DNER: variants seen among roughly 807,000 people sequenced by gnomAD.
DNER encodes delta/notch like EGF repeat containing.
DNER carries 33 observed loss-of-function variants against 78.2 expected under a neutral mutation model. The observed-to-expected ratio is 0.42, with a 90% confidence interval of 0.32 to 0.56. DNER has a LOEUF of 0.56. Among genes scored for constraint, DNER ranks in the 20% least tolerant of loss-of-function variants. The pLI is 0.11. For synonymous variants in DNER, 417 were observed against 384.8 expected, an observed-to-expected ratio of 1.08 and a Z score of -0.98; for missense variants, 918 against 975.3, an observed-to-expected ratio of 0.94 and a Z score of 0.78.
chr2:229,591,927 A>G lies in DNER; in HGVS notation c.277-39T>C. On this transcript the variant is annotated intron_variant, in intron 1 of 12. Transcript: ENST00000341772. The surrounding 1 kb of genome is among the most constrained non-coding windows in gnomAD (Gnocchi z 4.6). ...ATAAATGGGTCAATTATTCCCTCAT[A>G]AGAAAAGTGGTGCCATCGCTGGGAA... is the stretch of plus-strand genomic sequence containing the variant. 2 of 1,461,924 alleles carry G rather than the reference A, an allele frequency of 1.4e-6. No homozygotes were observed. The highest frequency in any genetic ancestry group is 1.4e-5 in the South Asian group (1 of 70,460). The allele number at this position is 1,461,924 out of a possible 1,614,324, so 90.6% of individuals were successfully genotyped here.
At chr2:229,525,423 C>A (rs1696189765) in intron 5 of DNER, among the ~76,000 whole-genome samples, 1 of 152,014 alleles carries the variant, frequency 6.6e-6, no homozygotes, top group South Asian at 2.1e-4. Flanking sequence ...AGCTTTACAG[C>A]CCATTGTTTT....
intron 4 of DNER, among the ~76,000 whole-genome samples, chr2:229,582,900 A>T (rs575528427): frequency 6.6e-6 from 1 of 152,172 alleles, no homozygotes; most frequent in Non-Finnish European, 1.5e-5. Flanking sequence ...CAGCCTCCCA[A>T]AGTGCTCGGA....
In DNER at chr2:229,360,301, G is replaced by T. The variant is rs139995650; in HGVS notation, c.2103-1650C>A. On this transcript the variant is annotated intron_variant, in intron 12 of 12. Coordinates refer to ENST00000341772, the MANE Select transcript of DNER (RefSeq NM_139072.4). The stretch of plus-strand genomic sequence containing the variant: ...GAGCTCTCCATATCTAACATAGTAG[G>T]ATATAGAGAGCTTTGACTTGAGGGC... 1.1e-3 allele frequency among the ~76,000 whole-genome samples: 167 copies of T among 152,310 alleles called. 1 individual carries two copies. Among genetic ancestry groups the T allele is most frequent in the African/African-American group, 3.8e-3 (158 of 41,566 alleles).
chr2:229,689,919 A>G (rs1259740389), intron 1 of DNER, among the ~76,000 whole-genome samples: 1 of 152,208 alleles, frequency 6.6e-6, no homozygotes, highest in Non-Finnish European at 1.5e-5. Context: ...CTAGCACCCA[A>G]GGCTGGTACC....
intron 10 of DNER, among the ~76,000 whole-genome samples, chr2:229,404,816 A>C (rs779231477): frequency 4.6e-5 from 7 of 152,246 alleles, no homozygotes; most frequent in Non-Finnish European, 2.9e-5. Flanking sequence ...ACTTAAATGC[A>C]TAAAATTAAT....
chr2:229,663,381 A>C (rs1222912253), intron 1 of DNER, among the ~76,000 whole-genome samples: 1 of 152,220 alleles, frequency 6.6e-6, no homozygotes, highest in Non-Finnish European at 1.5e-5. Context: ...ACTCAATCCC[A>C]GAACCTGCCC....
chr2:229,521,851 C>T (rs1365533431), intron 5 of DNER, among the ~76,000 whole-genome samples: 3 of 152,118 alleles, frequency 2.0e-5, no homozygotes, highest in Non-Finnish European at 4.4e-5. Flanking sequence ...CTATGAATTA[C>T]ATGTTTTAAA....
At chr2:229,688,547 T>A (rs1437540714) in intron 1 of DNER, among the ~76,000 whole-genome samples, 1 of 152,208 alleles carries the variant, frequency 6.6e-6, no homozygotes, top group Non-Finnish European at 1.5e-5. Context: ...GATAATGGGC[T>A]TGATTTTTTC....
intron 10 of DNER, among the ~76,000 whole-genome samples, chr2:229,391,659 A>G (rs1172847446): frequency 6.6e-6 from 1 of 152,088 alleles, no homozygotes; most frequent in East Asian, 1.9e-4. Context: ...CTCCTGCCTC[A>G]GCCTCCCCAG....
chr2:229,363,478 C>T (rs975066292), intron 12 of DNER, among the ~76,000 whole-genome samples: 2 of 152,188 alleles, frequency 1.3e-5, no homozygotes, highest in African/African-American at 2.4e-5. Context: ...CCAGCCATGG[C>T]CTCTACACAG....
chr2:229,536,208 G>A (rs535330279), intron 5 of DNER, among the ~76,000 whole-genome samples: 1 of 152,334 alleles, frequency 6.6e-6, no homozygotes, highest in African/African-American at 2.4e-5. Context: ...GAAGGCTGAG[G>A]AGGTTGGAAA....
intron 5 of DNER, among the ~76,000 whole-genome samples, chr2:229,537,939 A>T (rs1164860735): frequency 6.6e-6 from 1 of 152,192 alleles, no homozygotes; most frequent in Non-Finnish European, 1.5e-5. Flanking sequence ...GCAGGCGATG[A>T]TACAATCATC....
chr2:229,614,538 G>C lies in DNER; in HGVS notation c.277-22650C>G, dbSNP rs146974910. Among the ~76,000 whole-genome samples, 1,140 of 152,282 alleles carry C rather than the reference G, an allele frequency of 7.5e-3. 8 individuals are homozygous for C. The highest frequency in any genetic ancestry group is 0.011 in the Non-Finnish European group (770 of 68,016). ...CACCCTGTTTCTGGACTCTCCTACA[G>C]GACGTTTTTATTAACAGGGTCATAA... On this transcript the variant is annotated intron_variant, in intron 1 of 12. Coordinates refer to ENST00000341772, the MANE Select transcript of DNER (RefSeq NM_139072.4).
chr2:229,687,281 T>TC (rs1699499427), intron 1 of DNER, among the ~76,000 whole-genome samples: 1 of 148,794 alleles, frequency 6.7e-6, no homozygotes, highest in Non-Finnish European at 1.5e-5. Flanking sequence ...TTTTTTTTTT[T>TC]GAGACAGAGT....
chr2:229,696,451 A>C (rs990732899), intron 1 of DNER, among the ~76,000 whole-genome samples: 1 of 152,154 alleles, frequency 6.6e-6, no homozygotes, highest in Non-Finnish European at 1.5e-5. Context: ...GGCCTTGCAT[A>C]ATTATTTTTT....
In DNER at chr2:229,446,438, G is replaced by A. The variant is rs557524908; in HGVS notation, c.1486+878C>T. Among the ~76,000 whole-genome samples, 3 of 152,308 alleles carry A rather than the reference G, an allele frequency of 2.0e-5. No homozygotes were observed. In the South Asian group the frequency reaches 6.2e-4, roughly 32 times the overall value. ...GTAGAAGTTTGTACAGTGAGGTGGGGTAACGGGGAGCACGCATTCCAGCTA... is the reference window on the plus strand; with the variant it reads ...GTAGAAGTTTGTACAGTGAGGTGGGATAACGGGGAGCACGCATTCCAGCTA... On this transcript the variant is annotated intron_variant, in intron 8 of 12. Coordinates refer to ENST00000341772, the MANE Select transcript of DNER (RefSeq NM_139072.4).
intron 5 of DNER, among the ~76,000 whole-genome samples, chr2:229,528,724 C>T (rs1696250679): frequency 1.3e-5 from 2 of 152,162 alleles, no homozygotes; most frequent in Non-Finnish European, 2.9e-5. Flanking sequence ...AATTCTCTCT[C>T]TAACTAGGAA....
chr2:229,566,406 T>C (rs988572098), intron 4 of DNER, among the ~76,000 whole-genome samples: 1 of 152,212 alleles, frequency 6.6e-6, no homozygotes, highest in African/African-American at 2.4e-5. Flanking sequence ...CACTTTATTT[T>C]TCAGTGCATG....
At chr2:229,681,129 A>T (rs1276247991) in intron 1 of DNER, among the ~76,000 whole-genome samples, 1 of 152,190 alleles carries the variant, frequency 6.6e-6, no homozygotes, top group East Asian at 1.9e-4. Context: ...CATTGTGTAA[A>T]CACTCCCAGT....
Sources: gnomAD v4.1 joint callset for allele counts (sites outside exome capture counted in the v4.1 genomes callset) on GRCh38, gnomAD v4.1.1 for gene constraint, Gnocchi (gnomAD v3.1) non-coding constraint, MANE v1.5 for transcripts, NCBI Gene and HGNC (gene_info 2026-07-23, HGNC 2026-07-21) for gene names.